Variants in NTRK3 observed in about 807,000 individuals in gnomAD.
The protein encoded by NTRK3 is neurotrophic receptor tyrosine kinase 3, also known as NT-3 growth factor receptor.
In NTRK3, 24 loss-of-function variants were observed where a neutral mutation model predicts 91.7. That is an observed-to-expected ratio of 0.26 (90% CI 0.19 to 0.37). NTRK3 has a LOEUF of 0.37. NTRK3 is among the 10% of genes least tolerant of loss of function. NTRK3 has a pLI of 1.00. For synonymous variants in NTRK3, 483 were observed against 404.0 expected (o/e 1.20, Z -2.34); for missense variants, 880 against 1,068.9 (o/e 0.82, Z 2.46).
In NTRK3 at chr15:88,183,497, G is replaced by A. The variant is rs777952126; in HGVS notation, c.324-8C>T. 6.8e-6 allele frequency: 11 copies of A among 1,613,510 alleles called. No homozygotes were observed. The South Asian group carries it at 1.2e-4, about 18-fold the overall frequency. On this transcript the variant is annotated splice_region_variant and splice_polypyrimidine_tract_variant and intron_variant, in intron 4 of 18. Coordinates refer to ENST00000394480, the Ensembl canonical transcript of NTRK3. ...CCTGAGTTCTTGATGGTCCTAGACAGAGAGAAAAAGAGGATCAGCAGAGCT... is the reference window on the plus strand; with the variant it reads ...CCTGAGTTCTTGATGGTCCTAGACAAAGAGAAAAAGAGGATCAGCAGAGCT...
intron 14 of NTRK3, among the ~76,000 whole-genome samples, chr15:87,990,412 G>A (rs932439206): frequency 6.6e-6 from 1 of 152,122 alleles, no homozygotes; most frequent in Admixed American, 6.6e-5. Context: ...GGAACCCAGC[G>A]TAACAATGAA....
intron 13 of NTRK3, among the ~76,000 whole-genome samples, chr15:88,072,189 A>G (rs2047150499): frequency 6.6e-6 from 1 of 151,848 alleles, no homozygotes; most frequent in South Asian, 2.1e-4. Context: ...TATTTTCAGT[A>G]GAGATGGGGT....
chr15:87,989,948 T>G (rs12437453), intron 14 of NTRK3, among the ~76,000 whole-genome samples: 131,446 of 152,176 alleles, frequency 0.86, 57,150 homozygotes, highest in African/African-American at 0.97. Context: ...TGAGTGAAAA[T>G]AATTTTTTCT....
At chr15:88,145,423 T>C (rs6496463) in intron 6 of NTRK3, among the ~76,000 whole-genome samples, 83,698 of 151,924 alleles carry the variant, frequency 0.55, 24,521 homozygotes, top group African/African-American at 0.77. Flanking sequence ...GACATGGTGG[T>C]ACTCACACAC....
chr15:88,015,698 C>A (rs547933125), intron 14 of NTRK3, among the ~76,000 whole-genome samples: 1 of 152,286 alleles, frequency 6.6e-6, no homozygotes, highest in East Asian at 1.9e-4. Context: ...GATGATGCCA[C>A]TCTGTTCATC....
At chr15:87,992,527 T>C (rs958832025) in intron 14 of NTRK3, among the ~76,000 whole-genome samples, 15 of 152,388 alleles carry the variant, frequency 9.8e-5, no homozygotes, top group African/African-American at 3.6e-4. Flanking sequence ...AAATGGTTCA[T>C]GGATTTATTT....
intron 3 of NTRK3, among the ~76,000 whole-genome samples, chr15:88,251,636 A>C (rs1216765841): frequency 6.6e-6 from 1 of 152,258 alleles, no homozygotes; most frequent in Non-Finnish European, 1.5e-5. Context: ...GGAGGGCCTC[A>C]GGCTACCCAC....
At position 88,241,752 on chromosome 15, in the gene NTRK3, C is replaced by A. The variant is rs1226793755; in HGVS notation, c.248+14154G>T. ...CCCAGCGCACTGGGGAGAAGGGCTG[C>A]CCTATATCCACAGCCCTCTGACTTT... On this transcript the variant is annotated intron_variant, in intron 3 of 18. Coordinates refer to ENST00000394480, the Ensembl canonical transcript of NTRK3. The surrounding 1 kb of genome is among the most constrained non-coding windows in gnomAD (Gnocchi z 4.3). 6.6e-6 allele frequency among the ~76,000 whole-genome samples: 1 copy of A among 152,190 alleles called. No individual in the cohort carries two copies. The highest frequency in any genetic ancestry group is 2.4e-5 in the African/African-American group (1 of 41,456).
At chr15:87,872,507 C>A (rs1321288426) in exon 19 of NTRK3, 1 of 228,326 alleles carries the variant, frequency 4.4e-6, no homozygotes, top group Non-Finnish European at 8.7e-6. Context: ...GAGAGATGGG[C>A]AGGCCTCTCT....
At chr15:88,047,409 TG>T (rs2080322280) in intron 13 of NTRK3, among the ~76,000 whole-genome samples, 1 of 152,042 alleles carries the variant, frequency 6.6e-6, no homozygotes, top group African/African-American at 2.4e-5. Context: ...TCTATAGTAG[TG>T]AGTTAGCCCT....
intron 13 of NTRK3, among the ~76,000 whole-genome samples, chr15:88,065,569 C>A (rs1170642603): frequency 6.6e-6 from 1 of 152,068 alleles, no homozygotes; most frequent in African/African-American, 2.4e-5. Flanking sequence ...TGGAGAAGAA[C>A]CTATACCCCT....
chr15:88,037,628 T>C (rs2079184070), intron 13 of NTRK3, among the ~76,000 whole-genome samples: 1 of 152,138 alleles, frequency 6.6e-6, no homozygotes, highest in Non-Finnish European at 1.5e-5. Flanking sequence ...ACAAATACAC[T>C]GAGGACAAAC....
chr15:88,220,245 T>C (rs1400723612), intron 3 of NTRK3, among the ~76,000 whole-genome samples: 1 of 152,186 alleles, frequency 6.6e-6, no homozygotes, highest in Non-Finnish European at 1.5e-5. Context: ...CAACCGCTCA[T>C]GCATTTCTTG....
At chr15:88,111,927 G>C (rs1305247889) in intron 13 of NTRK3, among the ~76,000 whole-genome samples, 1 of 143,052 alleles carries the variant, frequency 7.0e-6, no homozygotes, top group Non-Finnish European at 1.5e-5. Context: ...TTTTGAGACA[G>C]ACAGAGTCTC....
chr15:87,977,533 A>AATAATT (rs1403943788), intron 14 of NTRK3: 1 of 228,968 alleles, frequency 4.4e-6, no homozygotes, highest in African/African-American at 2.2e-5. Context: ...AATGATTTAC[A>AATAATT]ATAATTAAAA....
intron 13 of NTRK3, among the ~76,000 whole-genome samples, chr15:88,079,275 C>G (rs1055174695): frequency 6.6e-6 from 1 of 152,200 alleles, no homozygotes; most frequent in African/African-American, 2.4e-5. Context: ...AGCGTTTTGA[C>G]AAGAGCTAGG....
intron 14 of NTRK3, among the ~76,000 whole-genome samples, chr15:87,991,902 T>C (rs1294885965): frequency 6.6e-6 from 1 of 151,768 alleles, no homozygotes; most frequent in Non-Finnish European, 1.5e-5. Context: ...TTTGTCTATC[T>C]CCCAGATGCT....
At chr15:88,103,932 C>A (rs145069481) in intron 13 of NTRK3, among the ~76,000 whole-genome samples, 3 of 152,302 alleles carry the variant, frequency 2.0e-5, no homozygotes, top group East Asian at 1.9e-4. Flanking sequence ...ATGGACAATT[C>A]TACACTAGAG....
chr15:88,160,131 G>A (rs567508857), intron 5 of NTRK3, among the ~76,000 whole-genome samples: 21 of 152,268 alleles, frequency 1.4e-4, no homozygotes, highest in African/African-American at 3.8e-4. Context: ...GGACTCGGAC[G>A]AGAGCATCCA....
Sources: gnomAD v4.1 joint callset for allele counts (sites outside exome capture counted in the v4.1 genomes callset) on GRCh38, gnomAD v4.1.1 for gene constraint, Gnocchi (gnomAD v3.1) non-coding constraint, MANE v1.5 for transcripts, NCBI Gene and HGNC (gene_info 2026-07-23, HGNC 2026-07-21) for gene names.